Variants in HDAC4 observed in about 807,000 individuals in gnomAD.
The protein encoded by HDAC4 is histone deacetylase 4, also known as histone deacetylase A.
A neutral mutation model predicts 135.1 loss-of-function variants in HDAC4; 16 were observed. The ratio of observed to expected loss-of-function variants is 0.12; its 90% CI spans 0.08 to 0.18. HDAC4 has a LOEUF of 0.18. Ranked by LOEUF, HDAC4 falls within the 10% of genes least tolerant of loss-of-function variation. The probability of loss-of-function intolerance (pLI) is 1.00; values close to 1 mark genes in which losing one functional copy is unlikely to be tolerated. For synonymous variants in HDAC4, 685 were observed against 653.4 expected (o/e 1.05, Z -0.74); for missense variants, 1,143 against 1,511.8 (o/e 0.76, Z 4.05).
At chr2:239,310,653 G>C (rs959855926) in intron 2 of HDAC4, among the ~76,000 whole-genome samples, 1 of 152,226 alleles carries the variant, frequency 6.6e-6, no homozygotes, top group African/African-American at 2.4e-5. Context: ...AGGGAGTAAA[G>C]GCAATGATGC....
chr2:239,228,457 G>A lies in HDAC4; in HGVS notation c.94+8136C>T, dbSNP rs559412096. The stretch of plus-strand genomic sequence containing the variant: ...TGGGGTGCAAATACAGGCTGTGTAC[G>A]CCACGTGAAAGGTGGTGTTCTTGGC... On this transcript the variant is annotated intron_variant, in intron 3 of 26. Transcript: ENST00000543185. Among the ~76,000 whole-genome samples the A allele has an allele frequency of 1.4e-4, 22 of 152,260 alleles. 1 individual carries two copies. The South Asian group carries it at 2.3e-3, about 16-fold the overall frequency.
In HDAC4 at chr2:239,284,383, C is replaced by T. The variant is rs148576589; in HGVS notation, c.23-47719G>A. On this transcript the variant is annotated intron_variant, in intron 2 of 26. Coordinates refer to ENST00000543185, the MANE Select transcript of HDAC4 (RefSeq NM_001378414.1). ...GGCAGCCCTGAGCCACTGTGCTGAC[C>T]CAGTGATGGCCAACAGCATGCTCCA... Among the ~76,000 whole-genome samples the T allele has an allele frequency of 5.2e-3, 785 of 152,280 alleles. 6 individuals are homozygous for T. The highest frequency in any genetic ancestry group is 0.017 in the African/African-American group (727 of 41,554).
intron 12 of HDAC4, among the ~76,000 whole-genome samples, chr2:239,123,052 C>T (rs1358353442): frequency 6.6e-6 from 1 of 152,218 alleles, no homozygotes; most frequent in East Asian, 1.9e-4. Flanking sequence ...AATCAACTGT[C>T]ATTCACTCCC....
chr2:239,295,941 G>A (rs181359302), intron 2 of HDAC4, among the ~76,000 whole-genome samples: 111 of 152,286 alleles, frequency 7.3e-4, no homozygotes, highest in African/African-American at 2.6e-3. Context: ...TTCTTACAGG[G>A]TGCTGAAGGA....
intron 7 of HDAC4, chr2:239,155,540 T>C (rs2042372459): frequency 1.3e-5 from 2 of 152,306 alleles, no homozygotes; most frequent in Middle Eastern, 6.8e-3. Flanking sequence ...CTGGCTGATA[T>C]GGCCTACTCC....
chr2:239,259,084 A>G (rs937070341), intron 2 of HDAC4, among the ~76,000 whole-genome samples: 2 of 152,236 alleles, frequency 1.3e-5, no homozygotes, highest in African/African-American at 4.8e-5. Flanking sequence ...TTGACAGCGT[A>G]TCACCCCATT....
intron 1 of HDAC4, among the ~76,000 whole-genome samples, chr2:239,390,767 C>A (rs188685915): frequency 6.9e-4 from 105 of 152,316 alleles, no homozygotes; most frequent in African/African-American, 2.3e-3. Context: ...GAGCCCCGAG[C>A]CTGGACCTGA....
intron 8 of HDAC4, 47 bp downstream of exon 8, chr2:239,144,536 C>G (rs1473765489): frequency 6.2e-7 from 1 of 1,611,758 alleles, no homozygotes; most frequent in African/African-American, 1.3e-5. Flanking sequence ...GCAGGAAGGC[C>G]TGGCAGAGAG....
At chr2:239,338,035 G>GA (rs1168040416) in intron 2 of HDAC4, among the ~76,000 whole-genome samples, 2 of 152,142 alleles carry the variant, frequency 1.3e-5, no homozygotes, top group Non-Finnish European at 2.9e-5. Context: ...GAAAGCCAGG[G>GA]AATCTGCAGC....
chr2:239,211,843 A>C (rs1220391155), intron 3 of HDAC4, among the ~76,000 whole-genome samples: 2 of 152,230 alleles, frequency 1.3e-5, no homozygotes, highest in Admixed American at 6.5e-5. Context: ...AAGCCCCGAA[A>C]AAAAGGACAA....
intron 8 of HDAC4, among the ~76,000 whole-genome samples, chr2:239,142,433 G>A (rs372166173): frequency 3.4e-4 from 52 of 152,288 alleles, no homozygotes; most frequent in African/African-American, 1.1e-3. Flanking sequence ...TACCAGTGCC[G>A]GCCAGGAGAT....
intron 2 of HDAC4, among the ~76,000 whole-genome samples, chr2:239,282,468 T>C (rs560672711): frequency 4.7e-4 from 68 of 143,724 alleles, no homozygotes; most frequent in African/African-American, 1.7e-3. Flanking sequence ...CCACTCTCAA[T>C]GTACACACCA....
chr2:239,164,308 G>T (rs2152972941), intron 5 of HDAC4, among the ~76,000 whole-genome samples: 1 of 152,356 alleles, frequency 6.6e-6, no homozygotes, highest in African/African-American at 2.4e-5. Context: ...AGAAGGCTTT[G>T]TGCAAATGGA....
chr2:239,153,153 GT>G (rs1237084883), intron 7 of HDAC4, among the ~76,000 whole-genome samples: 5 of 152,192 alleles, frequency 3.3e-5, no homozygotes, highest in Non-Finnish European at 5.9e-5. Context: ...GAGGTCAGAC[GT>G]TTGAGCTGGT....
intron 2 of HDAC4, among the ~76,000 whole-genome samples, chr2:239,266,591 A>T (rs1474491793): frequency 6.6e-6 from 1 of 152,228 alleles, no homozygotes; most frequent in Non-Finnish European, 1.5e-5. Flanking sequence ...CTGGGAAATT[A>T]TAAGCCACTG....
chr2:239,241,074 G>A (rs1320809548), intron 2 of HDAC4, among the ~76,000 whole-genome samples: 1 of 152,128 alleles, frequency 6.6e-6, no homozygotes, highest in African/African-American at 2.4e-5. Context: ...AGCACCAGCC[G>A]GAATCCAGTT....
chr2:239,391,718 C>T (rs919983845), intron 1 of HDAC4, among the ~76,000 whole-genome samples: 1 of 152,216 alleles, frequency 6.6e-6, no homozygotes, highest in African/African-American at 2.4e-5. Flanking sequence ...ACTGCAGGCA[C>T]ATTGGCAGTG....
At chr2:239,183,182 T>C (rs944202042) in intron 4 of HDAC4, among the ~76,000 whole-genome samples, 4 of 152,264 alleles carry the variant, frequency 2.6e-5, no homozygotes, top group East Asian at 1.9e-4. Context: ...AACCAGACTT[T>C]AAGTTTACGT....
intron 3 of HDAC4, among the ~76,000 whole-genome samples, chr2:239,213,557 G>A (rs1272612456): frequency 1.3e-5 from 2 of 152,212 alleles, no homozygotes; most frequent in African/African-American, 2.4e-5. Flanking sequence ...CCAAAAGCCT[G>A]CATCTGCATA....
Sources: allele counts gnomAD v4.1 joint callset (sites outside exome capture counted in the v4.1 genomes callset), GRCh38; gene constraint gnomAD v4.1.1; transcripts MANE v1.5; gene names NCBI Gene and HGNC (gene_info 2026-07-23, HGNC 2026-07-21).